The following PRIM2 variants were observed in gnomAD, a reference collection of about 807,000 sequenced individuals.
The protein encoded by PRIM2 is DNA primase large subunit.
Under a neutral mutation model 67.3 loss-of-function variants are expected in PRIM2, and 39 were observed. That is an observed-to-expected ratio of 0.58 (90% confidence interval 0.45 to 0.76). The LOEUF is 0.76. Among genes scored for constraint, PRIM2 ranks in the 30% least tolerant of loss-of-function variants. PRIM2 has a pLI of 0.00. For synonymous variants in PRIM2, 143 were observed against 198.7 expected (o/e 0.72, Z 2.36); for missense variants, 398 against 598.7 (o/e 0.66, Z 3.50).
Position 57,465,818 on chromosome 6 carries a change from A to G in PRIM2, c.694-41569A>G, listed in dbSNP as rs1189373142. On this transcript the variant is annotated intron_variant, in intron 7 of 13. Transcript: ENST00000615550. ...CTATCATTTTTTTTTCTTGATAATG[A>G]TTCTTTTTTTTTATAATTATACTTA... Among the ~76,000 whole-genome samples, 1,395 of 151,072 alleles carry G rather than the reference A, an allele frequency of 9.2e-3. 19 individuals carry two copies. The highest frequency in any genetic ancestry group is 0.032 in the African/African-American group (1,316 of 40,772).
At chr6:57,547,501 T>C (rs1346321172) in intron 10 of PRIM2, among the ~76,000 whole-genome samples, 29 of 152,324 alleles carry the variant, frequency 1.9e-4, no homozygotes, top group African/African-American at 7.0e-4. Context: ...ATTTAAAGTA[T>C]GAATACCATG....
At chr6:57,296,092 A>G in the PRIM2 span, among the ~76,000 whole-genome samples, 1 of 152,168 alleles carries the variant, frequency 6.6e-6, no homozygotes. Context: ...GAACCTAACC[A>G]TATTACGAAT....
chr6:57,318,700 T>C (rs1019991163), intron 2 of PRIM2, 101 bp downstream of exon 2: 1 of 946,642 alleles, frequency 1.1e-6, no homozygotes, highest in Non-Finnish European at 1.6e-6. Flanking sequence ...CAGCAATCCA[T>C]TCAACAAGTA....
chr6:57,441,517 T>G (rs1702828862), intron 7 of PRIM2, among the ~76,000 whole-genome samples: 1 of 152,176 alleles, frequency 6.6e-6, no homozygotes, highest in Non-Finnish European at 1.5e-5. Context: ...TAAGGAACAG[T>G]GGTCACATAA....
At chr6:57,258,166 A>T in the PRIM2 span, among the ~76,000 whole-genome samples, 1 of 152,342 alleles carries the variant, frequency 6.6e-6, no homozygotes, top group Admixed American at 6.5e-5. Context: ...ACCCATGTTT[A>T]AAACGAAATA....
chr6:57,551,248 GTTGTTGTA>G (rs1386810287), intron 10 of PRIM2, among the ~76,000 whole-genome samples: 8 of 152,096 alleles, frequency 5.3e-5, no homozygotes, highest in Non-Finnish European at 1.2e-4. Context: ...TGCGATTGTT[GTTGTTGTA>G]TGCAGCTCAA....
intron 12 of PRIM2, among the ~76,000 whole-genome samples, chr6:57,622,004 G>A (rs1316017768): frequency 7.3e-5 from 11 of 151,706 alleles, no homozygotes; most frequent in Admixed American, 3.9e-4. Context: ...AGGCTGGAGC[G>A]CAGTGGCATG....
intron 5 of PRIM2, among the ~76,000 whole-genome samples, chr6:57,339,920 A>G (rs1581806241): frequency 6.6e-6 from 1 of 151,316 alleles, no homozygotes; most frequent in South Asian, 2.1e-4. Context: ...TGAACAGGCA[A>G]CCTACAAAAT....
chr6:57,584,376 C>T (rs1359689799), intron 10 of PRIM2, among the ~76,000 whole-genome samples: 72 of 152,340 alleles, frequency 4.7e-4, no homozygotes, highest in African/African-American at 1.7e-3. Context: ...ATTGACATCA[C>T]TGAAAATGGT....
At chr6:57,335,447 G>A (rs879898024) in intron 5 of PRIM2, among the ~76,000 whole-genome samples, 4 of 152,142 alleles carry the variant, frequency 2.6e-5, no homozygotes, top group Admixed American at 6.5e-5. Context: ...AACCTCTGCA[G>A]ACTTAAACGT....
intron 7 of PRIM2, among the ~76,000 whole-genome samples, chr6:57,465,559 G>A (rs1773155273): frequency 6.6e-6 from 1 of 152,154 alleles, no homozygotes; most frequent in Non-Finnish European, 1.5e-5. Flanking sequence ...GGACTCTCGT[G>A]CTAGACTGAC....
At chr6:57,416,218 T>C (rs1771256727) in intron 7 of PRIM2, among the ~76,000 whole-genome samples, 1 of 152,214 alleles carries the variant, frequency 6.6e-6, no homozygotes, top group Admixed American at 6.5e-5. Flanking sequence ...TGTTAGCAGA[T>C]ATGAAGACAC....
the PRIM2 span, among the ~76,000 whole-genome samples, chr6:57,279,381 A>G: frequency 3.3e-5 from 5 of 152,086 alleles, no homozygotes; most frequent in Non-Finnish European, 4.4e-5. Flanking sequence ...TTGCTTTTAC[A>G]TTGTAGGGTA....
intron 10 of PRIM2, among the ~76,000 whole-genome samples, chr6:57,538,220 C>T (rs1357765483): frequency 6.6e-6 from 1 of 152,060 alleles, no homozygotes; most frequent in African/African-American, 2.4e-5. Flanking sequence ...GATGGAGTCT[C>T]ACTATGTTGC....
intron 8 of PRIM2, among the ~76,000 whole-genome samples, chr6:57,511,344 C>A (rs1415990871): frequency 6.6e-6 from 1 of 152,310 alleles, no homozygotes; most frequent in Non-Finnish European, 1.5e-5. Context: ...TGTCCATTCA[C>A]TCATTAATTA....
rs535553308 is a variant in PRIM2 at position 57,320,535 on chromosome 6, T to C, written c.233T>C (p.Leu78Pro). Residue 78 changes from leucine (L) to proline (P), a missense_variant, in exon 3 of 14, where the codon CTT becomes CCT. By Grantham distance (98) the Leu-to-Pro change is moderately conservative (BLOSUM62 -3). Coordinates refer to ENST00000615550, the MANE Select transcript of PRIM2 (RefSeq NM_000947.5). Reference sequence around the variant, plus strand: ...TACCAGAGTAAGTTGGAGAGTGAGCTTCGGAAGCTCAAGTTTTCCTACAGA... The same window carrying C: ...TACCAGAGTAAGTTGGAGAGTGAGCCTCGGAAGCTCAAGTTTTCCTACAGA... ...EQYQSKLESE[L>P]RKLKFSYREN... 37 of 1,607,906 alleles carry C rather than the reference T, an allele frequency of 2.3e-5. No homozygotes were observed. The Admixed American group carries it at 4.4e-4, about 19-fold the overall frequency.
the PRIM2 span, among the ~76,000 whole-genome samples, chr6:57,223,340 A>G: frequency 2.0e-5 from 3 of 152,164 alleles, no homozygotes; most frequent in African/African-American, 7.2e-5. Context: ...CCAGTTAGCA[A>G]CTGGAAGAGG....
chr6:57,589,193 C>A (rs1452745921), intron 10 of PRIM2, among the ~76,000 whole-genome samples: 4 of 152,164 alleles, frequency 2.6e-5, no homozygotes, highest in Non-Finnish European at 4.4e-5. Flanking sequence ...AGAGAGTATG[C>A]ACCTAGAATG....
rs1769489090 is a variant in PRIM2 at position 57,369,921 on chromosome 6, C to G, written c.460-9980C>G. On this transcript the variant is annotated intron_variant, in intron 5 of 13. Transcript: ENST00000615550. The stretch of plus-strand genomic sequence containing the variant: ...AAATGTAAATTACAGGTAGTAACAA[C>G]AAGTGTTTACCATGTACTAAGGGTG... Among the ~76,000 whole-genome samples the G allele has an allele frequency of 2.6e-5, 4 of 152,194 alleles. No individual in the cohort carries two copies. The South Asian group carries it at 8.3e-4, about 31-fold the overall frequency.
Sources: allele counts gnomAD v4.1 joint callset (sites outside exome capture counted in the v4.1 genomes callset), GRCh38; gene constraint gnomAD v4.1.1; transcripts MANE v1.5; gene names NCBI Gene and HGNC (gene_info 2026-07-23, HGNC 2026-07-21).